FHIT: variants seen among roughly 807,000 people sequenced by gnomAD.
FHIT encodes the protein bis(5'-adenosyl)-triphosphatase.
Under a neutral mutation model 17.9 loss-of-function variants are expected in FHIT, and 19 were observed. That is an observed-to-expected ratio of 1.06 (90% CI 0.74 to 1.56). FHIT has a LOEUF of 1.56. Ranked by LOEUF, FHIT falls within the 40% of genes most tolerant of loss-of-function variation. FHIT has a pLI of 0.00. For synonymous variants in FHIT, 81 were observed against 69.7 expected, an observed-to-expected ratio of 1.16 and a Z score of -0.81; for missense variants, 248 against 189.2, an observed-to-expected ratio of 1.31 and a Z score of -1.82.
At chr3:60,884,095 A>G (rs1249704326) in intron 3 of FHIT, among the ~76,000 whole-genome samples, 1 of 152,216 alleles carries the variant, frequency 6.6e-6, no homozygotes, top group African/African-American at 2.4e-5. Flanking sequence ...ACAAATGGAC[A>G]AGAGGCATAT....
At chr3:60,052,401 C>A (rs1051225580) in intron 5 of FHIT, among the ~76,000 whole-genome samples, 1 of 152,076 alleles carries the variant, frequency 6.6e-6, no homozygotes, top group African/African-American at 2.4e-5. Context: ...GAATCTTTGG[C>A]AAATGTACTT....
At chr3:60,733,618 C>T (rs1553711885) in intron 4 of FHIT, among the ~76,000 whole-genome samples, 1 of 152,150 alleles carries the variant, frequency 6.6e-6, no homozygotes, top group African/African-American at 2.4e-5. Flanking sequence ...GAAACTATTT[C>T]TCCATATAAT....
intron 8 of FHIT, among the ~76,000 whole-genome samples, chr3:59,800,055 T>G (rs187670713): frequency 6.6e-6 from 1 of 152,328 alleles, no homozygotes; most frequent in African/African-American, 2.4e-5. Context: ...ATACAAAAAT[T>G]GTTTACAAAA....
At chr3:60,658,307 T>C (rs2040163626) in intron 4 of FHIT, among the ~76,000 whole-genome samples, 1 of 152,182 alleles carries the variant, frequency 6.6e-6, no homozygotes, top group Non-Finnish European at 1.5e-5. Context: ...AGGGACTTCC[T>C]TCTGTCCCAT....
intron 5 of FHIT, among the ~76,000 whole-genome samples, chr3:60,485,650 TG>T (rs550858750): frequency 5.4e-4 from 77 of 141,926 alleles, no homozygotes; most frequent in Non-Finnish European, 1.0e-3. Flanking sequence ...CAAGGCCTGT[TG>T]GGGGTGGGGG....
At chr3:60,514,547 A>G (rs1424446868) in intron 5 of FHIT, among the ~76,000 whole-genome samples, 2 of 152,216 alleles carry the variant, frequency 1.3e-5, no homozygotes, top group Admixed American at 1.3e-4. Context: ...TGCAGGGCTT[A>G]ACACCAGGTG....
At chr3:61,000,174 C>G (rs1422835972) in intron 3 of FHIT, among the ~76,000 whole-genome samples, 2 of 152,144 alleles carry the variant, frequency 1.3e-5, no homozygotes, top group African/African-American at 4.8e-5. Context: ...AAGCAGGCCA[C>G]CTCATGAAGG....
intron 4 of FHIT, among the ~76,000 whole-genome samples, chr3:60,718,182 TC>T (rs35254240): frequency 0.044 from 6,658 of 152,266 alleles, 505 homozygotes; most frequent in African/African-American, 0.15. Context: ...TATGCAAGAT[TC>T]TTCAAGAGAA....
intron 5 of FHIT, among the ~76,000 whole-genome samples, chr3:60,313,006 T>C (rs192735874): frequency 2.0e-5 from 3 of 152,270 alleles, no homozygotes; most frequent in Admixed American, 2.0e-4. Flanking sequence ...TTGATATGAT[T>C]TCCCCCAGAT....
chr3:61,043,312 G>A (rs922651887), intron 2 of FHIT, among the ~76,000 whole-genome samples: 3 of 151,520 alleles, frequency 2.0e-5, no homozygotes, highest in South Asian at 2.3e-4. Flanking sequence ...TATATCCCGC[G>A]CCTAGCTCGG....
chr3:60,951,277 A>C (rs185636393), intron 3 of FHIT, among the ~76,000 whole-genome samples: 2 of 152,352 alleles, frequency 1.3e-5, no homozygotes, highest in Admixed American at 1.3e-4. Flanking sequence ...ACAGGCAAAG[A>C]AGACATGCCA....
chr3:60,791,423 T>C (rs1700773089), intron 4 of FHIT, among the ~76,000 whole-genome samples: 1 of 152,226 alleles, frequency 6.6e-6, no homozygotes, highest in Non-Finnish European at 1.5e-5. Flanking sequence ...ACTAAAACTT[T>C]CTGCCTGACC....
intron 3 of FHIT, among the ~76,000 whole-genome samples, chr3:60,847,692 C>G (rs1366183138): frequency 6.6e-6 from 1 of 152,130 alleles, no homozygotes; most frequent in Non-Finnish European, 1.5e-5. Context: ...TTTTCCGTCC[C>G]TTCTCCTTTC....
chr3:60,949,771 T>A (rs1708798197), intron 3 of FHIT, among the ~76,000 whole-genome samples: 1 of 152,264 alleles, frequency 6.6e-6, no homozygotes, highest in East Asian at 1.9e-4. Flanking sequence ...ATTTCTTTTT[T>A]AAAAAAAGCA....
At chr3:60,275,520 T>C (rs1707086504) in intron 5 of FHIT, among the ~76,000 whole-genome samples, 1 of 152,222 alleles carries the variant, frequency 6.6e-6, no homozygotes, top group African/African-American at 2.4e-5. Flanking sequence ...TAGCTTTGCT[T>C]GATCAACAGG....
At chr3:60,487,102 AAT>A (rs2033875984) in intron 5 of FHIT, among the ~76,000 whole-genome samples, 1 of 152,192 alleles carries the variant, frequency 6.6e-6, no homozygotes, top group South Asian at 2.1e-4. Flanking sequence ...GATTGAATCG[AAT>A]AGTCATCACA....
At chr3:60,341,468 A>T (rs1006902) in intron 5 of FHIT, among the ~76,000 whole-genome samples, 1 of 151,850 alleles carries the variant, frequency 6.6e-6, no homozygotes, top group African/African-American at 2.4e-5. Context: ...GGATTGAATG[A>T]GAAAAATGTG....
In FHIT at chr3:59,941,486, T is replaced by C. The variant is rs147230420; in HGVS notation, c.280-19072A>G. On this transcript the variant is annotated intron_variant, in intron 7 of 9. Coordinates refer to ENST00000492590, the MANE Select transcript of FHIT (RefSeq NM_002012.4). Reference sequence around the variant, plus strand: ...TCCTCTGTCCATGCAAAGGGCCTCCTTGTGATATCCCACATTCTCTTTTAT... The same window carrying C: ...TCCTCTGTCCATGCAAAGGGCCTCCCTGTGATATCCCACATTCTCTTTTAT... 1.2e-4 allele frequency among the ~76,000 whole-genome samples: 18 copies of C among 152,342 alleles called. No individual in the cohort carries two copies. The East Asian group carries it at 3.5e-3, about 29-fold the overall frequency.
At chr3:60,066,549 A>G (rs895166893) in intron 5 of FHIT, among the ~76,000 whole-genome samples, 1 of 150,562 alleles carries the variant, frequency 6.6e-6, no homozygotes, top group Non-Finnish European at 1.5e-5. Flanking sequence ...AAACGCCAAC[A>G]TAACTTCTGG....
Sources: allele counts gnomAD v4.1 joint callset (sites outside exome capture counted in the v4.1 genomes callset), GRCh38; gene constraint gnomAD v4.1.1; transcripts MANE v1.5; gene names NCBI Gene and HGNC (gene_info 2026-07-23, HGNC 2026-07-21).